The following HECW2 variants were observed in gnomAD, a reference collection of about 807,000 sequenced individuals.
The protein encoded by HECW2 is HECT, C2 and WW domain containing E3 ubiquitin protein ligase 2.
In HECW2, 61 loss-of-function variants were observed where a neutral mutation model predicts 175.2. That is an observed-to-expected ratio of 0.35 (90% CI 0.28 to 0.43). HECW2 has a LOEUF of 0.43. HECW2 is among the 20% of genes least tolerant of loss of function. HECW2 has a pLI of 1.00. For missense variants in HECW2, 1,524 were observed against 2,000.5 expected, an observed-to-expected ratio of 0.76 and a Z score of 4.54; for synonymous variants, 671 against 731.0, an observed-to-expected ratio of 0.92 and a Z score of 1.32.
At chr2:196,221,067 C>G in intron 24 of HECW2, 126 bp from the exon 25 acceptor site, 1 of 988,586 alleles carries the variant, frequency 1.0e-6, no homozygotes, top group East Asian at 2.5e-5. Flanking sequence ...ATCCCACAAG[C>G]TGGCAGTGAG....
intron 1 of HECW2, among the ~76,000 whole-genome samples, chr2:196,565,834 A>C (rs547344686): frequency 5.9e-5 from 9 of 152,330 alleles, no homozygotes; most frequent in Non-Finnish European, 4.4e-5. Flanking sequence ...ATCAATGACA[A>C]ATAATGTATA....
At position 196,278,578 on chromosome 2, in the gene HECW2, G is replaced by A. The variant is rs746749379; in HGVS notation, c.3085C>T (p.Leu1029=). The A allele has an allele frequency of 1.2e-6, 2 of 1,614,110 alleles. No individual in the cohort carries two copies. The highest frequency in any genetic ancestry group is 3.3e-5 in the Admixed American group (2 of 59,996). Residue 1029 remains leucine (L), a synonymous_variant, in exon 15 of 29, where the codon CTG becomes TTG. Coordinates refer to ENST00000644978, the MANE Select transcript of HECW2 (RefSeq NM_001348768.2). Reference sequence around the variant, plus strand: ...CTTGTCAGGTGTTGCCGATGAACCAGCGCACTTGTGGGTCTACTGCTCTGA... The same window carrying A: ...CTTGTCAGGTGTTGCCGATGAACCAACGCACTTGTGGGTCTACTGCTCTGA... ...PLQSSRPTSA[L]VHRQHLTRQR... is the part of the protein sequence containing the mutation.
chr2:196,375,695 G>C (rs1056087477), intron 2 of HECW2, among the ~76,000 whole-genome samples: 9 of 152,114 alleles, frequency 5.9e-5, no homozygotes. Context: ...GCAATGGCTA[G>C]GAAAAAGGAA....
chr2:196,320,814 C>T (rs539425846), intron 7 of HECW2, among the ~76,000 whole-genome samples: 5 of 152,156 alleles, frequency 3.3e-5, no homozygotes, highest in East Asian at 1.9e-4. Context: ...TTTTTTGACT[C>T]GGGTGTAAAA....
intron 26 of HECW2, chr2:196,217,491 A>AT: frequency 6.3e-6 from 1 of 157,608 alleles, no homozygotes; most frequent in Non-Finnish European, 1.4e-5. Flanking sequence ...GGTTGGGGGC[A>AT]TAATGGCAAA....
chr2:196,432,695 C>T (rs1383056161), intron 2 of HECW2, among the ~76,000 whole-genome samples: 2 of 152,120 alleles, frequency 1.3e-5, no homozygotes, highest in African/African-American at 4.8e-5. Flanking sequence ...TAGTTCTTAA[C>T]AAAACTCAAA....
chr2:196,237,197 CTTGT>C (rs1226356192), intron 21 of HECW2, among the ~76,000 whole-genome samples: 3 of 151,784 alleles, frequency 2.0e-5, no homozygotes, highest in Non-Finnish European at 2.9e-5. Flanking sequence ...AATTGTTATT[CTTGT>C]TTATTTCAAT....
intron 13 of HECW2, among the ~76,000 whole-genome samples, chr2:196,305,268 C>A (rs57951275): frequency 0.049 from 7,530 of 152,212 alleles, 297 homozygotes; most frequent in African/African-American, 0.099. Flanking sequence ...GTAAATCTAA[C>A]CCCTCTCTCA....
chr2:196,258,200 T>C, intron 17 of HECW2: 1 of 301,104 alleles, frequency 3.3e-6, no homozygotes, highest in Non-Finnish European at 6.2e-6. Context: ...ATTCAACCAA[T>C]AAAATCAGTG....
intron 1 of HECW2, among the ~76,000 whole-genome samples, chr2:196,511,844 T>C (rs550520896): frequency 1.6e-4 from 24 of 151,926 alleles, no homozygotes; most frequent in Non-Finnish European, 2.5e-4. Context: ...ATGGGAGAAG[T>C]GGTAAAGAAA....
intron 14 of HECW2, among the ~76,000 whole-genome samples, chr2:196,284,795 G>C (rs1575356206): frequency 6.6e-6 from 1 of 152,274 alleles, no homozygotes; most frequent in Non-Finnish European, 1.5e-5. Context: ...ATTTATGTAA[G>C]TATCTATCAC....
intron 24 of HECW2, 43 bp from the exon 25 acceptor site, chr2:196,220,984 T>C: frequency 6.3e-7 from 1 of 1,596,950 alleles, no homozygotes. Context: ...AGCAATACTC[T>C]TAATGTTATA....
At chr2:196,365,641 G>A (rs971063591) in intron 2 of HECW2, among the ~76,000 whole-genome samples, 1 of 152,174 alleles carries the variant, frequency 6.6e-6, no homozygotes, top group African/African-American at 2.4e-5. Context: ...CAAAAGTGAG[G>A]TAGCTGCTAA....
At chr2:196,283,523 G>A (rs530182971) in intron 14 of HECW2, among the ~76,000 whole-genome samples, 37 of 151,582 alleles carry the variant, frequency 2.4e-4, no homozygotes, top group Middle Eastern at 6.8e-3. Flanking sequence ...TTACAGGCAC[G>A]CACCACCACG....
intron 2 of HECW2, among the ~76,000 whole-genome samples, chr2:196,397,347 T>C (rs1001708234): frequency 2.6e-5 from 4 of 152,152 alleles, no homozygotes. Context: ...CATTCATATC[T>C]GGAAGGGCTT....
intron 1 of HECW2, among the ~76,000 whole-genome samples, chr2:196,591,600 C>G (rs1691194331): frequency 6.6e-6 from 1 of 152,178 alleles, no homozygotes; most frequent in Non-Finnish European, 1.5e-5. Flanking sequence ...GTTACAGTGT[C>G]TCCTTTAAGA....
chr2:196,319,837 A>G lies in HECW2; in HGVS notation c.1053T>C (p.Pro351=). 1 of 1,614,192 alleles carries G rather than the reference A, an allele frequency of 6.2e-7. No individual in the cohort carries two copies. The highest frequency in any genetic ancestry group is 8.5e-7 in the Non-Finnish European group (1 of 1,180,004). Residue 351 remains proline, a synonymous_variant, in exon 9 of 29, where the codon CCT becomes CCC. Transcript: ENST00000644978. ...TCCCTGGCATGTCCTCGTCATCGGAAGGGCTACCTAAGTCTCCATTCACAG... is the reference window on the plus strand; with the variant it reads ...TCCCTGGCATGTCCTCGTCATCGGAGGGGCTACCTAAGTCTCCATTCACAG... ...VNSVNGDLGS[P]SDDEDMPGSH...
chr2:196,264,799 C>A (rs914766255), intron 17 of HECW2, among the ~76,000 whole-genome samples: 1 of 152,288 alleles, frequency 6.6e-6, no homozygotes, highest in South Asian at 2.1e-4. Flanking sequence ...TAAATTAGTA[C>A]ATCCATTCAA....
intron 1 of HECW2, among the ~76,000 whole-genome samples, chr2:196,466,145 A>G (rs1696944317): frequency 6.6e-6 from 1 of 152,066 alleles, no homozygotes; most frequent in South Asian, 2.1e-4. Context: ...GACTCTCCCT[A>G]CTCCATCCAT....
Sources: gnomAD v4.1 joint callset for allele counts (sites outside exome capture counted in the v4.1 genomes callset) on GRCh38, gnomAD v4.1.1 for gene constraint, MANE v1.5 for transcripts, NCBI Gene and HGNC (gene_info 2026-07-23, HGNC 2026-07-21) for gene names.